Variants in NCOR2 observed in about 807,000 individuals in gnomAD.
The protein encoded by NCOR2 is CTG repeat protein 26.
Under a neutral mutation model 262.9 loss-of-function variants are expected in NCOR2, and 81 were observed. The observed-to-expected ratio is 0.31, with a 90% CI of 0.26 to 0.37. The LOEUF (loss-of-function observed/expected upper bound fraction) is 0.37. Among genes scored for constraint, NCOR2 ranks in the 10% least tolerant of loss-of-function variants. The pLI, the probability that NCOR2 is intolerant of heterozygous loss-of-function variation, is 1.00. For missense variants in NCOR2, 3,385 were observed against 3,621.4 expected (o/e 0.93, Z 1.68); for synonymous variants, 1,659 against 1,559.3 (o/e 1.06, Z -1.51).
intron 7 of NCOR2, among the ~76,000 whole-genome samples, chr12:124,446,434 C>T (rs2045175813): frequency 6.6e-6 from 1 of 152,148 alleles, no homozygotes; most frequent in East Asian, 1.9e-4. Context: ...TCCTTACCAG[C>T]CCCCCGTGAC....
intron 16 of NCOR2, among the ~76,000 whole-genome samples, chr12:124,387,310 C>T (rs559158025): frequency 1.4e-5 from 2 of 144,474 alleles, no homozygotes; most frequent in Admixed American, 7.3e-5. Flanking sequence ...ACAACAGCAG[C>T]AGAAACATCA....
intron 20 of NCOR2, among the ~76,000 whole-genome samples, chr12:124,371,492 G>T (rs1162261013): frequency 6.6e-6 from 1 of 152,248 alleles, no homozygotes; most frequent in African/African-American, 2.4e-5. Context: ...GAAGAAGAAA[G>T]TGTGGACACA....
intron 19 of NCOR2, among the ~76,000 whole-genome samples, chr12:124,373,617 G>A (rs2950603): frequency 8.7e-4 from 74 of 84,768 alleles, no homozygotes; most frequent in African/African-American, 2.9e-3. Context: ...GGCACAGTGG[G>A]CAGTGAGGCC....
At chr12:124,505,528 G>A (rs1172221242) in intron 1 of NCOR2, among the ~76,000 whole-genome samples, 1 of 152,232 alleles carries the variant, frequency 6.6e-6, no homozygotes, top group Non-Finnish European at 1.5e-5. Flanking sequence ...TCTCAACCAA[G>A]CCACCTCCTG....
chr12:124,391,925 T>TG (rs1166280068), intron 16 of NCOR2, among the ~76,000 whole-genome samples: 2 of 152,214 alleles, frequency 1.3e-5, no homozygotes, highest in African/African-American at 4.8e-5. Flanking sequence ...GAAGCCAGCC[T>TG]GGGGGGTCAG....
intron 1 of NCOR2, among the ~76,000 whole-genome samples, chr12:124,520,703 C>G (rs906423295): frequency 6.6e-6 from 1 of 152,168 alleles, no homozygotes. Context: ...TGGCCAAAAC[C>G]AAACTCATAT....
In NCOR2 at chr12:124,482,015, G is replaced by A. The variant is rs1168733900; in HGVS notation, c.411+1581C>T. The stretch of plus-strand genomic sequence containing the variant: ...AGGTGTCAGGATTTGCTGATGGACT[G>A]GAAGTACGCAGGAGAGCAGGGAGGT... On this transcript the variant is annotated intron_variant, in intron 3 of 46. Coordinates refer to ENST00000405201, the Ensembl canonical transcript of NCOR2. This position sits in a 1 kb window ranked among gnomAD's most constrained non-coding sequence, Gnocchi z 6.3. Among the ~76,000 whole-genome samples the A allele has an allele frequency of 6.6e-6, 1 of 152,158 alleles. No homozygotes were observed. The highest frequency in any genetic ancestry group is 1.5e-5 in the Non-Finnish European group (1 of 68,004).
chr12:124,422,441 G>C, intron 12 of NCOR2, 60 bp downstream of exon 14: 1 of 1,601,762 alleles, frequency 6.2e-7, no homozygotes, highest in Non-Finnish European at 8.5e-7. Flanking sequence ...TCCACCCTGA[G>C]TCCACGCAGT....
At chr12:124,351,431 A>C (rs370783612) in intron 27 of NCOR2, among the ~76,000 whole-genome samples, 3 of 152,188 alleles carry the variant, frequency 2.0e-5, no homozygotes, top group Non-Finnish European at 4.4e-5. Flanking sequence ...CCCTGGCTTC[A>C]AAGCACTAGA....
chr12:124,487,975 A>T (rs1294772706), intron 1 of NCOR2, among the ~76,000 whole-genome samples: 1 of 152,146 alleles, frequency 6.6e-6, no homozygotes, highest in Non-Finnish European at 1.5e-5. Context: ...GTCTGCCTGG[A>T]ACACTCAGTG....
chr12:124,556,848 C>T (rs1286749877), intron 1 of NCOR2, among the ~76,000 whole-genome samples: 1 of 129,622 alleles, frequency 7.7e-6, no homozygotes, highest in Non-Finnish European at 1.6e-5. Flanking sequence ...GACTCTTTGT[C>T]TCAAAAAAAA....
chr12:124,405,665 C>T (rs2042235078), intron 13 of NCOR2, among the ~76,000 whole-genome samples: 1 of 152,226 alleles, frequency 6.6e-6, no homozygotes, highest in African/African-American at 2.4e-5. Flanking sequence ...ACCCGGGAGG[C>T]CGAGGGACTG....
chr12:124,341,945 T>C, exon 34 of NCOR2: 1 of 1,613,236 alleles, frequency 6.2e-7, no homozygotes, highest in Non-Finnish European at 8.5e-7. Flanking sequence ...CGAGGTGATG[T>C]AGTCATTGAT....
chr12:124,341,773 C>T, intron 34 of NCOR2, 50 bp downstream of exon 36: 1 of 1,558,522 alleles, frequency 6.4e-7, no homozygotes, highest in African/African-American at 1.3e-5. Context: ...CGCCCATGTC[C>T]TTTGGGAATA....
intron 1 of NCOR2, 94 bp from the exon 4 acceptor site, chr12:124,486,662 T>A (rs574890337): frequency 7.0e-7 from 1 of 1,422,686 alleles, no homozygotes; most frequent in East Asian, 2.5e-5. Flanking sequence ...GACTCCCTGC[T>A]CAGGCTCGCT....
rs533824903 is a variant in NCOR2, at chr12:124,495,119, C to T, written c.105+28G>A. On this transcript the variant is annotated intron_variant, in intron 1 of 46. Coordinates refer to ENST00000405201, the Ensembl canonical transcript of NCOR2. This position sits in a 1 kb window ranked among gnomAD's most constrained non-coding sequence, Gnocchi z 4.4. ...TGGAAGAAGGGTCTCAAAGGTAGCC[C>T]CAGGCGCACACATGTGCACCCCCTT... 1.9e-6 allele frequency: 3 copies of T among 1,610,876 alleles called. No individual in the cohort carries two copies. Among genetic ancestry groups the T allele is most frequent in the Admixed American group, 3.4e-5 (2 of 59,372 alleles).
At chr12:124,383,801 G>A (rs2040588791) in intron 17 of NCOR2, among the ~76,000 whole-genome samples, 1 of 152,218 alleles carries the variant, frequency 6.6e-6, no homozygotes, top group African/African-American at 2.4e-5. Context: ...TCACAGGGGT[G>A]CCCAAATCCA....
intron 22 of NCOR2, among the ~76,000 whole-genome samples, chr12:124,359,806 G>C (rs1489938744): frequency 6.6e-6 from 1 of 152,260 alleles, no homozygotes; most frequent in Non-Finnish European, 1.5e-5. Context: ...GGACCTGCTT[G>C]GCTGAGCCGC....
At chr12:124,424,516 C>A (rs2043420828) in intron 11 of NCOR2, among the ~76,000 whole-genome samples, 1 of 152,312 alleles carries the variant, frequency 6.6e-6, no homozygotes, top group East Asian at 1.9e-4. Flanking sequence ...CATTACCCCA[C>A]CCCTCTATTC....
Sources: gnomAD v4.1 joint callset for allele counts (sites outside exome capture counted in the v4.1 genomes callset) on GRCh38, gnomAD v4.1.1 for gene constraint, Gnocchi (gnomAD v3.1) non-coding constraint, MANE v1.5 for transcripts, NCBI Gene and HGNC (gene_info 2026-07-23, HGNC 2026-07-21) for gene names.